Variants in EHMT1 observed in about 807,000 individuals in gnomAD.
The protein encoded by EHMT1 is euchromatic histone lysine methyltransferase 1.
In EHMT1, 15 loss-of-function variants were observed where a neutral mutation model predicts 147.2. The observed-to-expected ratio is 0.10, with a 90% CI of 0.07 to 0.16. EHMT1 has a LOEUF of 0.16. EHMT1 is among the 10% of genes least tolerant of loss of function. The pLI is 1.00. For missense variants in EHMT1, 1,587 were observed against 1,772.4 expected, an observed-to-expected ratio of 0.90 and a Z score of 1.88; for synonymous variants, 795 against 709.6, an observed-to-expected ratio of 1.12 and a Z score of -1.91.
intron 16 of EHMT1, among the ~76,000 whole-genome samples, chr9:137,794,804 A>T (rs1338800706): frequency 6.6e-6 from 1 of 152,164 alleles, no homozygotes; most frequent in Non-Finnish European, 1.5e-5. Flanking sequence ...AGAATCCTAC[A>T]TCCAGTAAAC....
chr9:137,727,667 G>T (rs1284687577), intron 3 of EHMT1, among the ~76,000 whole-genome samples: 2 of 152,200 alleles, frequency 1.3e-5, no homozygotes, highest in Non-Finnish European at 2.9e-5. Context: ...ACTATCACAG[G>T]TCTGTAGGTG....
At chr9:137,635,647 C>A (rs924629739) in intron 1 of EHMT1, among the ~76,000 whole-genome samples, 7 of 151,154 alleles carry the variant, frequency 4.6e-5, no homozygotes, top group Non-Finnish European at 1.0e-4. Context: ...GGTGAAACCC[C>A]GTCTCTACTA....
rs1286572299 is a variant in EHMT1, at chr9:137,832,634, C to G, written c.3541-1715C>G. 3 of 154,778 alleles carry G rather than the reference C, an allele frequency of 1.9e-5. No homozygotes were observed. In the East Asian group the frequency reaches 5.8e-4, roughly 30 times the overall value. The allele number at this position is 154,778 out of a possible 1,614,324, so 9.6% of individuals were successfully genotyped here. ...TCCCACGTTGCCTATCTGCCTTACTCCAGCCGTCCTTCTCTGGACTGTTGT... is the reference window on the plus strand; with the variant it reads ...TCCCACGTTGCCTATCTGCCTTACTGCAGCCGTCCTTCTCTGGACTGTTGT... On this transcript the variant is annotated intron_variant, in intron 25 of 26. Coordinates refer to ENST00000460843, the MANE Select transcript of EHMT1 (RefSeq NM_024757.5).
rs192482896 is a variant in EHMT1 at position 137,785,447 on chromosome 9, C to T, written c.2382+3050C>T. ...CCCTGAGGGTGGGGTGTGCTGAGCC[C>T]GTGAGGGTGGGCCGTGCTGAGCCCA... is the stretch of plus-strand genomic sequence containing the variant. On this transcript the variant is annotated intron_variant, in intron 15 of 26. Coordinates refer to ENST00000460843, the MANE Select transcript of EHMT1 (RefSeq NM_024757.5). 4.0e-3 allele frequency: 609 copies of T among 153,968 alleles called. 4 individuals carry two copies. The highest frequency in any genetic ancestry group is 5.0e-3 in the Non-Finnish European group (345 of 68,642). The allele number at this position is 153,968 out of a possible 1,614,324, so 9.5% of individuals were successfully genotyped here.
At chr9:137,730,072 T>G (rs1946970817) in intron 4 of EHMT1, among the ~76,000 whole-genome samples, 1 of 152,228 alleles carries the variant, frequency 6.6e-6, no homozygotes, top group African/African-American at 2.4e-5. Context: ...GCCAGGTCTT[T>G]CATAGAATGT....
chr9:137,790,766 T>G (rs1185648962), intron 15 of EHMT1, 82 bp from the exon 16 acceptor site: 21 of 1,602,590 alleles, frequency 1.3e-5, no homozygotes, highest in Non-Finnish European at 1.8e-5. Context: ...TTTTTTTGAG[T>G]GTGGAAGCTT....
chr9:137,633,783 A>G (rs1240295129), intron 1 of EHMT1, among the ~76,000 whole-genome samples: 6 of 149,896 alleles, frequency 4.0e-5, no homozygotes, highest in South Asian at 2.1e-4. Flanking sequence ...TTTTTTGCAA[A>G]TATTTTTTCT....
At chr9:137,719,403 G>A (rs528187052) in intron 3 of EHMT1, among the ~76,000 whole-genome samples, 1 of 152,180 alleles carries the variant, frequency 6.6e-6, no homozygotes, top group Admixed American at 6.5e-5. Context: ...CCGGACTGCT[G>A]GCTCCTCAGG....
intron 1 of EHMT1, among the ~76,000 whole-genome samples, chr9:137,657,150 G>T (rs955491393): frequency 2.0e-5 from 3 of 152,164 alleles, no homozygotes; most frequent in Non-Finnish European, 2.9e-5. Context: ...TGTTATGGCC[G>T]GTGTAGACAA....
chr9:137,781,317 T>C lies in EHMT1; in HGVS notation c.2276-974T>C, dbSNP rs868743474. On this transcript the variant is annotated intron_variant, in intron 14 of 26. Transcript: ENST00000460843. ...TGTGGTGATGACGGCATCACTGAGA[T>C]GTGTGGTGATGACGCTGAGACGTGT... Among the ~76,000 whole-genome samples the C allele has an allele frequency of 8.6e-3, 637 of 74,136 alleles. 5 individuals are homozygous for C. The highest frequency in any genetic ancestry group is 0.04 in the Middle Eastern group (4 of 100). 48.6% of individuals were successfully genotyped at this position (74,136 alleles called of 152,430 possible).
chr9:137,732,771 CT>C lies in EHMT1; in HGVS notation c.823+4246del, dbSNP rs1180468755. 6.6e-6 allele frequency among the ~76,000 whole-genome samples: 1 copy of C among 152,152 alleles called. No homozygotes were observed. Among genetic ancestry groups the C allele is most frequent in the Non-Finnish European group, 1.5e-5 (1 of 68,026 alleles). On this transcript the variant is annotated intron_variant, in intron 4 of 26. Coordinates refer to ENST00000460843, the MANE Select transcript of EHMT1 (RefSeq NM_024757.5). This position sits in a 1 kb window ranked among gnomAD's most constrained non-coding sequence, Gnocchi z 4.6. ...CCTAGGAATTTGTCTGCCATTATCACTTTTATTTCTTCAACTGTCACTCCAT... is the reference window on the plus strand; with the variant it reads ...CCTAGGAATTTGTCTGCCATTATCACTTTATTTCTTCAACTGTCACTCCAT...
rs1421831846 is a variant in EHMT1, at chr9:137,786,414, C to T, written c.2382+4017C>T. On this transcript the variant is annotated intron_variant, in intron 15 of 26. Transcript: ENST00000460843. This position sits in a 1 kb window ranked among gnomAD's most constrained non-coding sequence, Gnocchi z 4.3. Reference sequence around the variant, plus strand: ...CTTTATCTCTAGTTTGCCCTGAATCCAAGGGTGCTGTTTCTCAGGGTTTCA... The same window carrying T: ...CTTTATCTCTAGTTTGCCCTGAATCTAAGGGTGCTGTTTCTCAGGGTTTCA... 6.6e-6 allele frequency: 1 copy of T among 152,274 alleles called. No homozygotes were observed. Among genetic ancestry groups the T allele is most frequent in the Non-Finnish European group, 1.5e-5 (1 of 68,076 alleles). 9.4% of individuals were successfully genotyped at this position (152,274 alleles called of 1,614,324 possible). A position where few individuals can be genotyped will look rare whatever the true frequency, so the allele number is the denominator to read the frequency against.
At chr9:137,629,171 G>A (rs2133575031) in intron 1 of EHMT1, among the ~76,000 whole-genome samples, 1 of 150,070 alleles carries the variant, frequency 6.7e-6, no homozygotes, top group South Asian at 2.1e-4. Flanking sequence ...TGGCTCACTG[G>A]AACCTCCGCC....
At chr9:137,716,103 G>GGTGTCATGGTGGGGGAGGAAGTTGTGT (rs1470489847) in intron 2 of EHMT1, among the ~76,000 whole-genome samples, 1 of 21,870 alleles carries the variant, frequency 4.6e-5, no homozygotes, top group Non-Finnish European at 8.5e-5. Context: ...GGAAGTTGTG[G>GGTGTCATGGTGGGGGAGGAAGTTGTGT]TGGTGTCATG....
chr9:137,693,641 C>T (rs1943134299), intron 1 of EHMT1, among the ~76,000 whole-genome samples: 1 of 81,124 alleles, frequency 1.2e-5, no homozygotes, highest in African/African-American at 5.1e-5. Flanking sequence ...TGGCCGATAC[C>T]CCCCACACAG....
At chr9:137,811,915 C>T (rs1343609514) in intron 19 of EHMT1, among the ~76,000 whole-genome samples, 1 of 152,222 alleles carries the variant, frequency 6.6e-6, no homozygotes, top group Non-Finnish European at 1.5e-5. Flanking sequence ...AACAGCCCTG[C>T]TCCCAGCAGG....
chr9:137,762,048 C>T (rs953204195), intron 9 of EHMT1, among the ~76,000 whole-genome samples: 4 of 152,370 alleles, frequency 2.6e-5, no homozygotes, highest in South Asian at 2.1e-4. Flanking sequence ...GGCCCAAGGC[C>T]GCCTGCCTGA....
chr9:137,804,889 A>G (rs1166300569), intron 18 of EHMT1, among the ~76,000 whole-genome samples: 1 of 152,120 alleles, frequency 6.6e-6, no homozygotes, highest in Non-Finnish European at 1.5e-5. Flanking sequence ...TGCATTTGTG[A>G]GTCAGTTACC....
intron 10 of EHMT1, 85 bp downstream of exon 10, chr9:137,762,905 G>C: frequency 6.3e-7 from 1 of 1,584,154 alleles, no homozygotes; most frequent in African/African-American, 1.3e-5. Flanking sequence ...AGCCCCTCGA[G>C]TGAGTTGTGC....
Sources: allele counts gnomAD v4.1 joint callset (sites outside exome capture counted in the v4.1 genomes callset), GRCh38; gene constraint gnomAD v4.1.1; non-coding constraint Gnocchi (gnomAD v3.1); transcripts MANE v1.5; gene names NCBI Gene and HGNC (gene_info 2026-07-23, HGNC 2026-07-21).